Variants in ITGA9 observed in about 807,000 individuals in gnomAD.
ITGA9 encodes integrin alpha-9.
A neutral mutation model predicts 127.8 loss-of-function variants in ITGA9; 56 were observed. That is an observed-to-expected ratio of 0.44 (90% CI 0.35 to 0.55). The LOEUF is 0.55. Among genes scored for constraint, ITGA9 ranks in the 20% least tolerant of loss-of-function variants. ITGA9 has a pLI of 0.00. For missense variants in ITGA9, 1,196 were observed against 1,347.1 expected, an observed-to-expected ratio of 0.89 and a Z score of 1.76; for synonymous variants, 508 against 514.5, an observed-to-expected ratio of 0.99 and a Z score of 0.17.
chr3:37,498,334 A>T (rs1698752893), intron 5 of ITGA9, among the ~76,000 whole-genome samples: 1 of 152,154 alleles, frequency 6.6e-6, no homozygotes, highest in South Asian at 2.1e-4. Context: ...TGGGAGGAGA[A>T]GCTAGATTGA....
rs114662826 is a variant in ITGA9, at chr3:37,708,372, A to T, written c.2068-24340A>T. ...GAGAGCAAGTCATGATTTCAGCTCA[A>T]ATTCAAGGTGGGGGAATAAAATCTA... On this transcript the variant is annotated intron_variant, in intron 18 of 27. Coordinates refer to ENST00000264741, the MANE Select transcript of ITGA9 (RefSeq NM_002207.3). 4.4e-3 allele frequency among the ~76,000 whole-genome samples: 671 copies of T among 152,288 alleles called. 8 individuals are homozygous for T. Among genetic ancestry groups the T allele is most frequent in the Non-Finnish European group, 5.7e-3 (389 of 68,016 alleles).
intron 14 of ITGA9, among the ~76,000 whole-genome samples, chr3:37,540,927 C>T (rs1325962313): frequency 6.6e-6 from 1 of 152,192 alleles, no homozygotes; most frequent in East Asian, 1.9e-4. Context: ...TGGCGTTAAA[C>T]AAGTTGGGGC....
intron 18 of ITGA9, among the ~76,000 whole-genome samples, chr3:37,717,403 C>T (rs1012312089): frequency 5.9e-5 from 9 of 152,078 alleles, no homozygotes; most frequent in Admixed American, 6.6e-5. Context: ...TGTATTAGTC[C>T]GTTTTCACAC....
Position 37,452,423 on chromosome 3 carries a change from C to T in ITGA9, c.49C>T (p.Leu17=). Residue 17 remains leucine (L), a synonymous_variant, in exon 1 of 28, where the codon CTG becomes TTG. Transcript: ENST00000264741. The surrounding 1 kb of genome is among the most constrained non-coding windows in gnomAD (Gnocchi z 7.3). The part of the protein sequence containing the change: ...PRGAGRLRAL[L]LALVVAGIPA... ...GGGCGCCGGGAGGCTCCGCGCGCTG[C>T]TGCTGGCGCTGGTGGTCGCGGGGAT... 4 of 1,460,850 alleles carry T rather than the reference C, an allele frequency of 2.7e-6. No homozygotes were observed. The highest frequency in any genetic ancestry group is 2.7e-6 in the Non-Finnish European group (3 of 1,104,522). The allele number at this position is 1,460,850 out of a possible 1,614,324, so 90.5% of individuals were successfully genotyped here. A position where few individuals can be genotyped will look rare whatever the true frequency, so the allele number is the denominator to read the frequency against.
intron 26 of ITGA9, among the ~76,000 whole-genome samples, chr3:37,787,173 A>C (rs1005669723): frequency 1.3e-5 from 2 of 152,202 alleles, no homozygotes; most frequent in African/African-American, 4.8e-5. Context: ...TATAGAATGA[A>C]ATACTTGCCC....
At chr3:37,794,754 G>T (rs1300716182) in intron 26 of ITGA9, among the ~76,000 whole-genome samples, 1 of 152,202 alleles carries the variant, frequency 6.6e-6, no homozygotes, top group Non-Finnish European at 1.5e-5. Context: ...TGCAAACTCT[G>T]ACAGAGAAAG....
chr3:37,659,124 T>G (rs1219146312), intron 17 of ITGA9, among the ~76,000 whole-genome samples: 28 of 152,200 alleles, frequency 1.8e-4, no homozygotes, highest in Admixed American at 1.8e-3. Context: ...TTCCTTCATT[T>G]CAACCTTGGT....
intron 17 of ITGA9, among the ~76,000 whole-genome samples, chr3:37,667,533 G>A (rs1202151245): frequency 1.3e-5 from 2 of 152,186 alleles, no homozygotes; most frequent in African/African-American, 2.4e-5. Context: ...AGTGACGTGG[G>A]CCAAGCCTAG....
chr3:37,798,081 C>T (rs1310905300), intron 26 of ITGA9, among the ~76,000 whole-genome samples: 2 of 152,164 alleles, frequency 1.3e-5, no homozygotes, highest in African/African-American at 4.8e-5. Flanking sequence ...GCCTCGATAT[C>T]CCATGCTCAA....
At position 37,529,612 on chromosome 3, in the gene ITGA9, G is replaced by A. The variant is rs547934998; in HGVS notation, c.1373+3541G>A. ...CTAGATCAGTGATTAGGCCAAGAACGTCTTTGAGCCATTTTCTGGTCTCCC... is the reference window on the plus strand; with the variant it reads ...CTAGATCAGTGATTAGGCCAAGAACATCTTTGAGCCATTTTCTGGTCTCCC... On this transcript the variant is annotated intron_variant, in intron 13 of 27. Coordinates refer to ENST00000264741, the MANE Select transcript of ITGA9 (RefSeq NM_002207.3). Among the ~76,000 whole-genome samples, 6 of 152,330 alleles carry A rather than the reference G, an allele frequency of 3.9e-5. No homozygotes were observed. The South Asian group carries it at 6.2e-4, about 16-fold the overall frequency.
At position 37,629,365 on chromosome 3, in the gene ITGA9, C is replaced by T. The variant is rs371020222; in HGVS notation, c.1839+29C>T. ...AGAACCTTAAAGCTCATACTCAGCA[C>T]CCAAGGTGGCAGCTGCACAGAGCAG... On this transcript the variant is annotated intron_variant, in intron 16 of 27. Coordinates refer to ENST00000264741, the MANE Select transcript of ITGA9 (RefSeq NM_002207.3). The surrounding 1 kb of genome is among the most constrained non-coding windows in gnomAD (Gnocchi z 4.5). 2.4e-4 allele frequency: 394 copies of T among 1,612,682 alleles called. No individual in the cohort carries two copies. In the South Asian group the frequency reaches 2.8e-3, roughly 11 times the overall value.
At chr3:37,746,325 C>T (rs1175220485) in intron 22 of ITGA9, among the ~76,000 whole-genome samples, 2 of 152,274 alleles carry the variant, frequency 1.3e-5, no homozygotes, top group East Asian at 3.9e-4. Context: ...AGGAGAAAGG[C>T]AGAAATACTA....
Position 37,540,531 on chromosome 3 carries a change from A to G in ITGA9, c.1529-1894A>G, listed in dbSNP as rs571671481. Among the ~76,000 whole-genome samples, 4 of 152,374 alleles carry G rather than the reference A, an allele frequency of 2.6e-5. No individual in the cohort carries two copies. In the South Asian group the frequency reaches 8.3e-4, roughly 32 times the overall value. On this transcript the variant is annotated intron_variant, in intron 14 of 27. Transcript: ENST00000264741. ...AGGTTTTGGTCAAGTAATGTACAAC[A>G]TGCAGCAAGAACAAGTGTGGTGGGA...
chr3:37,600,429 G>T (rs973430004), intron 15 of ITGA9, among the ~76,000 whole-genome samples: 15 of 151,932 alleles, frequency 9.9e-5, no homozygotes, highest in African/African-American at 3.6e-4. Flanking sequence ...TGCTACACTC[G>T]AGCCAAGGTG....
At chr3:37,624,368 G>A (rs1179835997) in intron 15 of ITGA9, among the ~76,000 whole-genome samples, 1 of 151,908 alleles carries the variant, frequency 6.6e-6, no homozygotes, top group Non-Finnish European at 1.5e-5. Context: ...TGAAATGCGT[G>A]TCTTCCTTTG....
rs199956894 is a variant in ITGA9, at chr3:37,533,361, C to T, written c.1421C>T (p.Ser474Phe). ...TVDVSIFLPG[S>F]INITAPQCHD... ...GATGTCTCCATCTTCCTCCCGGGCT[C>T]CATCAACATCACAGCGCCTCAGTGT... The change falls in exon 14 of 28, where the codon TCC (serine) becomes TTC (phenylalanine). Residue 474 changes from serine to phenylalanine, a missense_variant. By Grantham distance (155) the Ser-to-Phe change is radical. Coordinates refer to ENST00000264741, the MANE Select transcript of ITGA9 (RefSeq NM_002207.3). 6 of 1,614,094 alleles carry T rather than the reference C, an allele frequency of 3.7e-6. No individual in the cohort carries two copies. Among genetic ancestry groups the T allele is most frequent in the Admixed American group, 3.3e-5 (2 of 60,006 alleles).
At chr3:37,482,002 C>T (rs1054123141) in intron 4 of ITGA9, among the ~76,000 whole-genome samples, 3 of 152,158 alleles carry the variant, frequency 2.0e-5, no homozygotes, top group East Asian at 1.9e-4. Context: ...TTTCCTTGTC[C>T]GAATATTCAG....
intron 18 of ITGA9, among the ~76,000 whole-genome samples, chr3:37,684,993 G>A (rs543398840): frequency 3.3e-5 from 5 of 152,272 alleles, no homozygotes; most frequent in South Asian, 2.1e-4. Flanking sequence ...GACAAAAGTC[G>A]ACTCTGCTCT....
Position 37,736,992 on chromosome 3 carries a change from G to GTTTAAACACTTAAAAA in ITGA9, c.2234+9_2234+10insTTTAAACACTTAAAAA. 1 of 1,580,794 alleles carries GTTTAAACACTTAAAAA rather than the reference G, an allele frequency of 6.3e-7. No homozygotes were observed. The highest frequency in any genetic ancestry group is 8.7e-7 in the Non-Finnish European group (1 of 1,150,266). On this transcript the variant is annotated intron_variant, in intron 20 of 27. Coordinates refer to ENST00000264741, the MANE Select transcript of ITGA9 (RefSeq NM_002207.3). Reference sequence around the variant, plus strand: ...ATTGTTACTGCTCAGAGGTAAGGGGGGGGTTTAAACACTTTTTTCAAAGAT... The same window carrying GTTTAAACACTTAAAAA: ...ATTGTTACTGCTCAGAGGTAAGGGGGTTTAAACACTTAAAAAGGGTTTAAACACTTTTTTCAAAGAT...
Sources: gnomAD v4.1 joint callset for allele counts (sites outside exome capture counted in the v4.1 genomes callset) on GRCh38, gnomAD v4.1.1 for gene constraint, Gnocchi (gnomAD v3.1) non-coding constraint, MANE v1.5 for transcripts, NCBI Gene and HGNC (gene_info 2026-07-23, HGNC 2026-07-21) for gene names.